HCN1: variants seen among roughly 807,000 people sequenced by gnomAD.
HCN1 encodes the protein potassium/sodium hyperpolarization-activated cyclic nucleotide-gated channel 1.
Under a neutral mutation model 78.9 loss-of-function variants are expected in HCN1, and 13 were observed. The ratio of observed to expected loss-of-function variants is 0.16; its 90% CI spans 0.11 to 0.26. The LOEUF (loss-of-function observed/expected upper bound fraction) is 0.26. Among genes scored for constraint, HCN1 ranks in the 10% least tolerant of loss-of-function variants. The pLI is 1.00. For synonymous variants in HCN1, 552 were observed against 455.5 expected (o/e 1.21, Z -2.70); for missense variants, 810 against 1,154.3 (o/e 0.70, Z 4.32).
rs192992098 is a variant in HCN1, at chr5:45,288,113, A to C, written c.1618+15486T>G. On this transcript the variant is annotated intron_variant, in intron 6 of 7. Coordinates refer to ENST00000303230, the MANE Select transcript of HCN1 (RefSeq NM_021072.4). ...TGCAGCTGCATCACCTACACTCTTA[A>C]CCAGTATCCTCTCATCTCCCACCAC... is the stretch of plus-strand genomic sequence containing the variant. Among the ~76,000 whole-genome samples, 17 of 151,984 alleles carry C rather than the reference A, an allele frequency of 1.1e-4. No homozygotes were observed. The East Asian group carries it at 3.1e-3, about 28-fold the overall frequency.
At chr5:45,493,849 T>C (rs1741956626) in intron 2 of HCN1, among the ~76,000 whole-genome samples, 1 of 147,534 alleles carries the variant, frequency 6.8e-6, no homozygotes, top group South Asian at 2.2e-4. Flanking sequence ...GAATATGCGG[T>C]GTTTGGTTTT....
At chr5:45,335,232 A>G (rs1293723237) in intron 5 of HCN1, among the ~76,000 whole-genome samples, 1 of 152,066 alleles carries the variant, frequency 6.6e-6, no homozygotes, top group Non-Finnish European at 1.5e-5. Context: ...CTCTAATCAA[A>G]TCAGTATAAG....
chr5:45,375,349 TATA>T (rs1277642056), intron 4 of HCN1, among the ~76,000 whole-genome samples: 143 of 125,328 alleles, frequency 1.1e-3, no homozygotes, highest in African/African-American at 3.5e-3. Context: ...ATATATATAA[TATA>T]ATATTTTATG....
intron 6 of HCN1, among the ~76,000 whole-genome samples, chr5:45,279,589 T>C (rs549422214): frequency 6.6e-6 from 1 of 152,254 alleles, no homozygotes; most frequent in Non-Finnish European, 1.5e-5. Flanking sequence ...TAGAAGAGTA[T>C]AAATCTAACG....
At chr5:45,462,866 T>C (rs926791992) in intron 2 of HCN1, among the ~76,000 whole-genome samples, 12 of 152,064 alleles carry the variant, frequency 7.9e-5, no homozygotes, top group African/African-American at 2.9e-4. Context: ...GTCCTTTCTT[T>C]AGCAGTTTAT....
chr5:45,571,791 G>A (rs1743842392), intron 2 of HCN1, among the ~76,000 whole-genome samples: 1 of 152,104 alleles, frequency 6.6e-6, no homozygotes, highest in Admixed American at 6.6e-5. Context: ...GCACATGCCT[G>A]TAATCCCACC....
rs1001000559 is a variant in HCN1, at chr5:45,509,554, C to T, written c.850-47547G>A. On this transcript the variant is annotated intron_variant, in intron 2 of 7. Coordinates refer to ENST00000303230, the MANE Select transcript of HCN1 (RefSeq NM_021072.4). Reference sequence around the variant, plus strand: ...CCAACAGTAGGAGCATCTCAGTGGGCCATGTGTGATTCCAGTGTTTAAAGA... The same window carrying T: ...CCAACAGTAGGAGCATCTCAGTGGGTCATGTGTGATTCCAGTGTTTAAAGA... Among the ~76,000 whole-genome samples, 40 of 151,978 alleles carry T rather than the reference C, an allele frequency of 2.6e-4. 1 individual carries two copies. Among genetic ancestry groups the T allele is most frequent in the Admixed American group, 2.1e-3 (32 of 15,218 alleles).
intron 2 of HCN1, among the ~76,000 whole-genome samples, chr5:45,465,045 G>A (rs1741240035): frequency 6.6e-6 from 1 of 152,130 alleles, no homozygotes; most frequent in Middle Eastern, 3.4e-3. Context: ...TCTATAAGGT[G>A]GACATTCTTA....
At chr5:45,363,642 A>AT (rs1747169568) in intron 4 of HCN1, among the ~76,000 whole-genome samples, 1 of 151,848 alleles carries the variant, frequency 6.6e-6, no homozygotes, top group Non-Finnish European at 1.5e-5. Context: ...CAGAATTCCC[A>AT]TATGTTGTGG....
intron 5 of HCN1, among the ~76,000 whole-genome samples, chr5:45,315,155 T>G (rs1034952207): frequency 6.6e-6 from 1 of 152,142 alleles, no homozygotes; most frequent in African/African-American, 2.4e-5. Context: ...ATTGACAACA[T>G]AGTTGGAAGT....
chr5:45,598,988 T>C (rs897238200), intron 2 of HCN1, among the ~76,000 whole-genome samples: 2 of 152,194 alleles, frequency 1.3e-5, no homozygotes, highest in Non-Finnish European at 2.9e-5. Context: ...AGTTCAACCA[T>C]TGTGGAGCAC....
intron 4 of HCN1, among the ~76,000 whole-genome samples, chr5:45,369,512 A>G (rs373810714): frequency 7.2e-5 from 11 of 152,052 alleles, no homozygotes; most frequent in African/African-American, 2.7e-4. Context: ...ACTCAGCCCC[A>G]GCCTGATTGG....
intron 2 of HCN1, among the ~76,000 whole-genome samples, chr5:45,591,391 G>A (rs1233877997): frequency 6.6e-6 from 1 of 152,114 alleles, no homozygotes; most frequent in East Asian, 1.9e-4. Context: ...TACCAGCAAT[G>A]AATGAGAGTT....
rs185439103 is a variant in HCN1, at chr5:45,374,247, G to A, written c.1231-21001C>T. On this transcript the variant is annotated intron_variant, in intron 4 of 7. Transcript: ENST00000303230. ...ATTATATACATAACATATATATTAT[G>A]TACATTATATACATAACATATATAT... Among the ~76,000 whole-genome samples the A allele has an allele frequency of 2.4e-3, 224 of 93,690 alleles. 3 individuals are homozygous for A. Among genetic ancestry groups the A allele is most frequent in the African/African-American group, 6.6e-3 (175 of 26,708 alleles). The allele number at this position is 93,690 out of a possible 152,430, so 61.5% of individuals were successfully genotyped here.
At chr5:45,359,963 T>A (rs1424222036) in intron 4 of HCN1, among the ~76,000 whole-genome samples, 6 of 150,410 alleles carry the variant, frequency 4.0e-5, no homozygotes, top group Non-Finnish European at 3.0e-5. Context: ...ATATATATTT[T>A]TTTTACCTTT....
intron 3 of HCN1, among the ~76,000 whole-genome samples, chr5:45,419,847 C>A (rs1180222465): frequency 6.6e-6 from 1 of 152,190 alleles, no homozygotes; most frequent in African/African-American, 2.4e-5. Context: ...GGTCCCTGAT[C>A]TCCTCTTTAG....
intron 2 of HCN1, among the ~76,000 whole-genome samples, chr5:45,500,418 A>G (rs898616742): frequency 6.6e-6 from 1 of 152,186 alleles, no homozygotes; most frequent in Non-Finnish European, 1.5e-5. Flanking sequence ...TAAAATGTTT[A>G]TGAAGAATTC....
At chr5:45,657,549 A>C (rs1438058503) in intron 1 of HCN1, among the ~76,000 whole-genome samples, 2 of 152,204 alleles carry the variant, frequency 1.3e-5, no homozygotes, top group East Asian at 1.9e-4. Flanking sequence ...TAAGTTCTGC[A>C]AAAAGGTTTT....
chr5:45,463,793 T>C (rs1173211907), intron 2 of HCN1, among the ~76,000 whole-genome samples: 1 of 152,112 alleles, frequency 6.6e-6, no homozygotes, highest in Non-Finnish European at 1.5e-5. Flanking sequence ...AATTTACATT[T>C]ATATCTTAAT....
Sources: gnomAD v4.1 joint callset for allele counts (sites outside exome capture counted in the v4.1 genomes callset) on GRCh38, gnomAD v4.1.1 for gene constraint, MANE v1.5 for transcripts, NCBI Gene and HGNC (gene_info 2026-07-23, HGNC 2026-07-21) for gene names.